DNAH3: variants seen among roughly 807,000 people sequenced by gnomAD.
DNAH3 encodes the protein dynein axonemal heavy chain 3.
In DNAH3, 332 loss-of-function variants were observed where a neutral mutation model predicts 432.5. The ratio of observed to expected loss-of-function variants is 0.77; its 90% CI spans 0.70 to 0.84. The LOEUF (loss-of-function observed/expected upper bound fraction) is 0.84, where lower values mean the gene tolerates loss of function less well. Among genes scored for constraint, DNAH3 ranks in the 40% least tolerant of loss-of-function variants. The probability of loss-of-function intolerance (pLI) is 0.00; values close to 1 mark genes in which losing one functional copy is unlikely to be tolerated. For synonymous variants in DNAH3, 1,956 were observed against 1,900.2 expected, an observed-to-expected ratio of 1.03 and a Z score of -0.76; for missense variants, 4,861 against 5,114.0, an observed-to-expected ratio of 0.95 and a Z score of 1.51.
rs772109064 is a variant in DNAH3 at position 21,067,299 on chromosome 16, T to C, written c.3502A>G (p.Arg1168Gly). 29 of 1,613,964 alleles carry C rather than the reference T, an allele frequency of 1.8e-5. No homozygotes were observed. The highest frequency in any genetic ancestry group is 2.4e-5 in the Non-Finnish European group (28 of 1,179,974). ...GCTGGATACCTGGGGAAGAATAGTC[T>C]CTTCTTCTCCAAGTAATCATTCAGC... The change falls in exon 24 of 62, where the codon AGA becomes GGA. Residue 1168 changes from arginine (R) to glycine (G), a missense_variant. Transcript: ENST00000261383.
chr16:20,964,136 T>C (rs1424394683), exon 53 of DNAH3: 14 of 1,614,214 alleles, frequency 8.7e-6, no homozygotes, highest in Non-Finnish European at 1.2e-5. Flanking sequence ...ATGTTACCCT[T>C]GGACATGGAG....
At chr16:21,058,280 A>C in intron 26 of DNAH3, 84 bp from the exon 27 acceptor site, 1 of 724,904 alleles carries the variant, frequency 1.4e-6, no homozygotes, top group Non-Finnish European at 2.4e-6. Context: ...CAACCACCTC[A>C]CCACCGCAAC....
In DNAH3 at chr16:21,106,495, A is replaced by T. The variant is rs1315123918; in HGVS notation, c.2279T>A (p.Leu760Ter). ...ACACATGGCATTGGACTTACACGGC[A>T]AGTCTGCATAGTCCATCAGGAACTC... The change falls in exon 15 of 62, where the codon TTG becomes TAG. Residue 760 changes from leucine to a stop codon, truncating the protein, a stop_gained. Coordinates refer to ENST00000261383, the Ensembl canonical transcript of DNAH3. LOFTEE classifies it high-confidence loss of function. 1 of 1,591,034 alleles carries T rather than the reference A, an allele frequency of 6.3e-7. No individual in the cohort carries two copies. The highest frequency in any genetic ancestry group is 1.3e-5 in the African/African-American group (1 of 74,890).
intron 37 of DNAH3, among the ~76,000 whole-genome samples, chr16:21,029,860 T>C (rs910853024): frequency 6.6e-5 from 10 of 152,228 alleles, no homozygotes; most frequent in African/African-American, 2.4e-4. Context: ...GGTCTTTCTC[T>C]GTTGCTCAGC....
chr16:21,148,579 T>C (rs2092815929), intron 1 of DNAH3, among the ~76,000 whole-genome samples: 1 of 152,036 alleles, frequency 6.6e-6, no homozygotes, highest in African/African-American at 2.4e-5. Context: ...TACTGCATCA[T>C]GCAAACTGAC....
chr16:21,006,534 C>T (rs1017872564), intron 41 of DNAH3, among the ~76,000 whole-genome samples: 8 of 152,280 alleles, frequency 5.3e-5, no homozygotes, highest in South Asian at 2.1e-4. Context: ...ACCTCTTAGC[C>T]GTCACCTGCC....
exon 58 of DNAH3, chr16:20,944,544 G>A (rs752875810): frequency 3.1e-5 from 50 of 1,614,182 alleles, no homozygotes; most frequent in Non-Finnish European, 3.8e-5. Context: ...GGGTCAGCAG[G>A]ACCCCCTCAA....
intron 16 of DNAH3, 110 bp downstream of exon 16, chr16:21,104,361 C>A (rs2091901672): frequency 2.2e-6 from 2 of 893,390 alleles, no homozygotes; most frequent in South Asian, 1.5e-5. Context: ...ACTTCGCCCA[C>A]ACGTTGCCAT....
intron 50 of DNAH3, 146 bp from the exon 51 acceptor site, chr16:20,975,561 C>T: frequency 2.6e-6 from 2 of 778,912 alleles, no homozygotes; most frequent in Non-Finnish European, 4.0e-6. Context: ...GATTCGTTTC[C>T]TAGTGATTAT....
At chr16:21,056,443 T>TCCCTCCCTTCCC in intron 27 of DNAH3, among the ~76,000 whole-genome samples, 1 of 119,316 alleles carries the variant, frequency 8.4e-6, no homozygotes, top group East Asian at 2.9e-4. Context: ...CCTCCCTGCC[T>TCCCTCCCTTCCC]CCCTCCCTTC....
At chr16:20,973,964 C>CTCCT (rs1190130482) in intron 51 of DNAH3, among the ~76,000 whole-genome samples, 3 of 152,084 alleles carry the variant, frequency 2.0e-5, no homozygotes, top group Non-Finnish European at 4.4e-5. Context: ...CCAACATGGC[C>CTCCT]AGAGTACAGG....
intron 20 of DNAH3, among the ~76,000 whole-genome samples, chr16:21,076,879 G>A (rs2090994275): frequency 6.6e-6 from 1 of 152,086 alleles, no homozygotes; most frequent in Non-Finnish European, 1.5e-5. Flanking sequence ...ATGAGACCTA[G>A]CAAACTCACA....
At chr16:21,130,461 C>T (rs1228686281) in intron 7 of DNAH3, among the ~76,000 whole-genome samples, 4 of 152,012 alleles carry the variant, frequency 2.6e-5, no homozygotes, top group South Asian at 2.1e-4. Context: ...CACACCATCA[C>T]GCCTGGCTAA....
intron 48 of DNAH3, among the ~76,000 whole-genome samples, chr16:20,983,671 T>C (rs1463653843): frequency 6.6e-6 from 1 of 151,768 alleles, no homozygotes; most frequent in Non-Finnish European, 1.5e-5. Flanking sequence ...AGACTATGTG[T>C]GGTGGAAGGG....
intron 61 of DNAH3, among the ~76,000 whole-genome samples, chr16:20,934,165 A>G (rs1179580788): frequency 6.6e-6 from 1 of 152,208 alleles, no homozygotes; most frequent in African/African-American, 2.4e-5. Context: ...ACTCCATTTA[A>G]AATCATTCAA....
At chr16:20,984,932 TG>T in intron 48 of DNAH3, 116 bp downstream of exon 48, 1 of 892,808 alleles carries the variant, frequency 1.1e-6, no homozygotes, top group Non-Finnish European at 1.7e-6. Context: ...GACCCCGAGC[TG>T]GTGCGTTGGC....
intron 21 of DNAH3, among the ~76,000 whole-genome samples, chr16:21,074,529 C>G (rs2090907091): frequency 6.6e-6 from 1 of 151,972 alleles, no homozygotes; most frequent in African/African-American, 2.4e-5. Context: ...GCCTGGCCAA[C>G]ATGATGAAAC....
chr16:21,015,436 T>G (rs1567639433), intron 41 of DNAH3, among the ~76,000 whole-genome samples: 1 of 152,218 alleles, frequency 6.6e-6, no homozygotes, highest in Non-Finnish European at 1.5e-5. Flanking sequence ...ACAGGATTTT[T>G]TTGGGTTGTG....
chr16:21,127,424 G>A (rs1026209315), intron 8 of DNAH3, among the ~76,000 whole-genome samples: 3 of 151,914 alleles, frequency 2.0e-5, no homozygotes, highest in African/African-American at 7.3e-5. Context: ...AGCCGGGCAT[G>A]GTGGCATGCA....
Sources: allele counts gnomAD v4.1 joint callset (sites outside exome capture counted in the v4.1 genomes callset), GRCh38; gene constraint gnomAD v4.1.1; transcripts MANE v1.5; gene names NCBI Gene and HGNC (gene_info 2026-07-23, HGNC 2026-07-21).